The following ARID1B variants were observed in gnomAD, a reference collection of about 807,000 sequenced individuals.
ARID1B encodes the protein AT-rich interactive domain-containing protein 1B.
In ARID1B, 30 loss-of-function variants were observed where a neutral mutation model predicts 212.3. That is an observed-to-expected ratio of 0.14 (90% CI 0.11 to 0.19). The LOEUF (loss-of-function observed/expected upper bound fraction) is 0.19, where lower values mean the gene tolerates loss of function less well. Among genes scored for constraint, ARID1B ranks in the 10% least tolerant of loss-of-function variants. The probability of loss-of-function intolerance (pLI) is 1.00; values close to 1 mark genes in which losing one functional copy is unlikely to be tolerated. For missense variants in ARID1B, 2,891 were observed against 3,204.0 expected, an observed-to-expected ratio of 0.90 and a Z score of 2.36; for synonymous variants, 1,402 against 1,301.7, an observed-to-expected ratio of 1.08 and a Z score of -1.66.
At chr6:156,829,497 A>T in intron 2 of ARID1B, 76 bp downstream of exon 2, 2 of 1,411,552 alleles carry the variant, frequency 1.4e-6, no homozygotes, top group South Asian at 1.5e-5. Context: ...CCTAAGATTG[A>T]TGTTAAAGAG....
intron 4 of ARID1B, among the ~76,000 whole-genome samples, chr6:156,989,999 A>C (rs1778175357): frequency 6.6e-6 from 1 of 152,090 alleles, no homozygotes; most frequent in African/African-American, 2.4e-5. Flanking sequence ...ATAATGTAAA[A>C]TTTCTTATAC....
chr6:157,059,327 A>G (rs1336036988), intron 4 of ARID1B, among the ~76,000 whole-genome samples: 2 of 152,200 alleles, frequency 1.3e-5, no homozygotes, highest in African/African-American at 4.8e-5. Context: ...TCGCTAGAAA[A>G]TGGTTTACAG....
At chr6:157,111,785 A>T (rs1786942829) in intron 6 of ARID1B, among the ~76,000 whole-genome samples, 1 of 152,214 alleles carries the variant, frequency 6.6e-6, no homozygotes, top group Non-Finnish European at 1.5e-5. Context: ...TATATATATT[A>T]TAATTTAAGG....
intron 4 of ARID1B, among the ~76,000 whole-genome samples, chr6:156,949,535 C>G (rs1035638366): frequency 6.6e-6 from 1 of 152,184 alleles, no homozygotes; most frequent in African/African-American, 2.4e-5. Context: ...CACCACACTT[C>G]CCTGAGATTC....
chr6:157,104,642 A>G (rs1230021713), intron 5 of ARID1B, among the ~76,000 whole-genome samples: 1 of 152,220 alleles, frequency 6.6e-6, no homozygotes, highest in Non-Finnish European at 1.5e-5. Flanking sequence ...AGAGAATCCC[A>G]TTTACAGTAG....
chr6:156,823,932 G>C (rs1782567489), intron 1 of ARID1B, among the ~76,000 whole-genome samples: 2 of 152,102 alleles, frequency 1.3e-5, no homozygotes, highest in African/African-American at 2.4e-5. Flanking sequence ...TATACTAAAA[G>C]TATATAAGCA....
At chr6:157,021,372 C>A (rs893047415) in intron 4 of ARID1B, among the ~76,000 whole-genome samples, 1 of 152,216 alleles carries the variant, frequency 6.6e-6, no homozygotes, top group African/African-American at 2.4e-5. Flanking sequence ...AGGCAGCGGG[C>A]GGAATTAACC....
chr6:157,102,404 T>C (rs1338929636), intron 5 of ARID1B, among the ~76,000 whole-genome samples: 1 of 152,222 alleles, frequency 6.6e-6, no homozygotes, highest in Non-Finnish European at 1.5e-5. Flanking sequence ...CTTAGACTTT[T>C]GCCTGCATTA....
In ARID1B at chr6:157,039,395, A is replaced by G. The variant is rs574325543; in HGVS notation, c.2248-45267A>G. 4.6e-3 allele frequency among the ~76,000 whole-genome samples: 632 copies of G among 137,970 alleles called. 4 individuals carry two copies. The highest frequency in any genetic ancestry group is 0.017 in the African/African-American group (601 of 35,810). 90.5% of individuals were successfully genotyped at this position (137,970 alleles called of 152,430 possible). Reference sequence around the variant, plus strand: ...CCGGACTGCGGACTGCAGTGGCGCAATCTCGGCTCACTGCAAGCTCCGCTT... The same window carrying G: ...CCGGACTGCGGACTGCAGTGGCGCAGTCTCGGCTCACTGCAAGCTCCGCTT... On this transcript the variant is annotated intron_variant, in intron 4 of 19. Transcript: ENST00000636930.
chr6:157,161,064 G>A (rs574493130), intron 8 of ARID1B, among the ~76,000 whole-genome samples: 2 of 152,188 alleles, frequency 1.3e-5, no homozygotes, highest in South Asian at 2.1e-4. Context: ...TACTCATCTT[G>A]GACAAGTGAT....
intron 2 of ARID1B, among the ~76,000 whole-genome samples, chr6:156,833,878 C>T (rs532416644): frequency 1.3e-5 from 2 of 152,044 alleles, no homozygotes; most frequent in African/African-American, 4.8e-5. Context: ...ATTTGGTACC[C>T]TCTTAACAGC....
At position 157,208,332 on chromosome 6, in the gene ARID1B, T is replaced by G. The variant is rs1376246368; in HGVS notation, c.*441T>G. ...AAAAATTATCCATTTCCTATGCGTTTTACTCCTCAGAGAATGAAAAAAACT... is the reference window on the plus strand; with the variant it reads ...AAAAATTATCCATTTCCTATGCGTTGTACTCCTCAGAGAATGAAAAAAACT... On this transcript the variant is annotated 3_prime_UTR_variant, in exon 20 of 20. Coordinates refer to ENST00000636930, the MANE Select transcript of ARID1B (RefSeq NM_001374828.1). 4.3e-6 allele frequency: 1 copy of G among 233,998 alleles called. No homozygotes were observed. The highest frequency in any genetic ancestry group is 2.2e-5 in the African/African-American group (1 of 45,366). The allele number at this position is 233,998 out of a possible 1,614,324, so 14.5% of individuals were successfully genotyped here. A position where few individuals can be genotyped will look rare whatever the true frequency, so the allele number is the denominator to read the frequency against.
At chr6:156,866,057 G>T (rs1211976621) in intron 2 of ARID1B, among the ~76,000 whole-genome samples, 1 of 152,068 alleles carries the variant, frequency 6.6e-6, no homozygotes, top group Non-Finnish European at 1.5e-5. Flanking sequence ...ACTACTGTGG[G>T]GACCTTGGTG....
intron 1 of ARID1B, among the ~76,000 whole-genome samples, chr6:156,811,539 G>A (rs1296316575): frequency 6.6e-6 from 1 of 152,164 alleles, no homozygotes; most frequent in East Asian, 1.9e-4. Flanking sequence ...TCATTCTGAG[G>A]CCTCTTCCCT....
At position 157,175,003 on chromosome 6, in the gene ARID1B, C is replaced by A. The variant is rs868193780; in HGVS notation, c.3502C>A (p.Pro1168Thr). The A allele has an allele frequency of 7.2e-7, 1 of 1,392,754 alleles. No individual in the cohort carries two copies. The allele number at this position is 1,392,754 out of a possible 1,614,324, so 86.3% of individuals were successfully genotyped here. The change falls in exon 11 of 20, where the codon CCT (proline) becomes ACT (threonine). Residue 1168 changes from proline to threonine, a missense_variant and splice_region_variant. Around this residue, in one of 7 missense-constraint regions of ARID1B, gnomAD observed 666 missense variants for 873.5 expected, o/e 0.76. Transcript: ENST00000636930. ...SPGWPKTPSSPKSSSSTTTGE... is the reference protein window; with the variant it reads ...SPGWPKTPSSTKSSSSTTTGE... ...AGGCTGGCCAAAGACTCCATCAAGC[C>A]CTGTAAGTGGCTCTGGTTTTTTTTT...
intron 2 of ARID1B, among the ~76,000 whole-genome samples, chr6:156,899,344 G>C (rs1270049003): frequency 6.6e-6 from 1 of 152,236 alleles, no homozygotes; most frequent in Non-Finnish European, 1.5e-5. Context: ...AAGGACAGCT[G>C]ACCGGGTCCA....
chr6:156,778,903 G>GAGGAGGAGGAGCAGGAGC lies in ARID1B; in HGVS notation c.1232_1249dup (p.Gly411_Gly416dup). 7.3e-7 allele frequency: 1 copy of GAGGAGGAGGAGCAGGAGC among 1,369,736 alleles called. No homozygotes were observed. 84.8% of individuals were successfully genotyped at this position (1,369,736 alleles called of 1,614,324 possible). The stretch of plus-strand genomic sequence containing the variant: ...GGAGGAGGCAGCGGAGGAGGAGGAG[G>GAGGAGGAGGAGCAGGAGC]AGGAGGAGGAGCAGGAGCAGGAGGA... On this transcript the variant is annotated inframe_insertion, in exon 1 of 20. Coordinates refer to ENST00000636930, the MANE Select transcript of ARID1B (RefSeq NM_001374828.1).
intron 4 of ARID1B, among the ~76,000 whole-genome samples, chr6:157,066,915 A>G (rs1479657206): frequency 6.6e-6 from 1 of 151,940 alleles, no homozygotes; most frequent in Non-Finnish European, 1.5e-5. Flanking sequence ...GGAGAAAAAC[A>G]TGTATTAGAG....
chr6:156,933,316 G>T (rs1398112075), intron 3 of ARID1B, among the ~76,000 whole-genome samples: 1 of 152,056 alleles, frequency 6.6e-6, no homozygotes, highest in Non-Finnish European at 1.5e-5. Context: ...CTGCTCATTT[G>T]TTTGCCCATT....
Sources: gnomAD v4.1 joint callset for allele counts (sites outside exome capture counted in the v4.1 genomes callset) on GRCh38, gnomAD v4.1.1 for gene constraint, gnomAD v4.1.1 regional missense constraint, MANE v1.5 for transcripts, NCBI Gene and HGNC (gene_info 2026-07-23, HGNC 2026-07-21) for gene names.